The following ARID1B variants were observed in gnomAD, a reference collection of about 807,000 sequenced individuals.
The protein encoded by ARID1B is AT-rich interactive domain-containing protein 1B.
Under a neutral mutation model 212.3 loss-of-function variants are expected in ARID1B, and 30 were observed. That is an observed-to-expected ratio of 0.14 (90% CI 0.11 to 0.19). ARID1B has a LOEUF of 0.19. ARID1B is among the 10% of genes least tolerant of loss of function. The pLI is 1.00. For missense variants in ARID1B, 2,891 were observed against 3,204.0 expected (o/e 0.90, Z 2.36); for synonymous variants, 1,402 against 1,301.7 (o/e 1.08, Z -1.66).
At chr6:156,989,699 C>T (rs996735958) in intron 4 of ARID1B, among the ~76,000 whole-genome samples, 1 of 152,176 alleles carries the variant, frequency 6.6e-6, no homozygotes, top group African/African-American at 2.4e-5. Flanking sequence ...TGAGATTCCC[C>T]TTGACTTCAG....
At position 156,778,958 on chromosome 6, in the gene ARID1B, C is replaced by CGCG. The variant is rs764418312; in HGVS notation, c.1290_1292dup (p.Ala433dup). The CGCG allele has an allele frequency of 7.4e-4, 939 of 1,272,692 alleles. 1 individual carries two copies. The highest frequency in any genetic ancestry group is 4.0e-3 in the East Asian group (127 of 31,416). 78.8% of individuals were successfully genotyped at this position (1,272,692 alleles called of 1,614,324 possible). A position where few individuals can be genotyped will look rare whatever the true frequency, so the allele number is the denominator to read the frequency against. On this transcript the variant is annotated inframe_insertion, in exon 1 of 20. Transcript: ENST00000636930. ...GAGCGGGAGCTGTGGCGGCGGCGGC[C>CGCG]GCGGCGGCGGCGGCAGCAGCAGGAG... is the stretch of plus-strand genomic sequence containing the variant.
intron 1 of ARID1B, among the ~76,000 whole-genome samples, chr6:156,820,833 T>C (rs1280482272): frequency 6.6e-6 from 1 of 152,224 alleles, no homozygotes; most frequent in Non-Finnish European, 1.5e-5. Context: ...AAATATGGTA[T>C]TGTACTTGCA....
intron 3 of ARID1B, among the ~76,000 whole-genome samples, chr6:156,912,756 T>C (rs1789998428): frequency 6.6e-6 from 1 of 152,232 alleles, no homozygotes; most frequent in African/African-American, 2.4e-5. Flanking sequence ...TCCTTGTTCC[T>C]CTGGAAGGCT....
intron 1 of ARID1B, among the ~76,000 whole-genome samples, chr6:156,820,990 T>A (rs1007665314): frequency 4.6e-5 from 7 of 152,220 alleles, no homozygotes; most frequent in African/African-American, 1.7e-4. Context: ...CTGTCTCCCC[T>A]CGCACCTCTT....
At chr6:156,785,975 A>C (rs1779605135) in intron 1 of ARID1B, among the ~76,000 whole-genome samples, 1 of 152,168 alleles carries the variant, frequency 6.6e-6, no homozygotes. Context: ...TATGTTATTA[A>C]AATTTTGAAA....
intron 4 of ARID1B, among the ~76,000 whole-genome samples, chr6:157,047,761 T>C (rs1431261733): frequency 6.6e-6 from 1 of 152,234 alleles, no homozygotes; most frequent in Non-Finnish European, 1.5e-5. Flanking sequence ...CATGTATCTC[T>C]GGGGACATTA....
chr6:156,888,863 T>C (rs181613169), intron 2 of ARID1B, among the ~76,000 whole-genome samples: 6 of 152,350 alleles, frequency 3.9e-5, no homozygotes, highest in East Asian at 1.9e-4. Flanking sequence ...TCCATAGTTA[T>C]GAGTCTCGCA....
chr6:156,979,319 T>G lies in ARID1B; in HGVS notation c.2247+43743T>G, dbSNP rs149043927. Among the ~76,000 whole-genome samples the G allele has an allele frequency of 5.3e-5, 8 of 152,352 alleles. No individual in the cohort carries two copies. In the East Asian group the frequency reaches 1.5e-3, roughly 29 times the overall value. On this transcript the variant is annotated intron_variant, in intron 4 of 19. Coordinates refer to ENST00000636930, the MANE Select transcript of ARID1B (RefSeq NM_001374828.1). ...CAGGTTCCAGTGAATCTTGTTTTCCTTATTCAGAATATGGTGTTAGGTGAA... is the reference window on the plus strand; with the variant it reads ...CAGGTTCCAGTGAATCTTGTTTTCCGTATTCAGAATATGGTGTTAGGTGAA...
intron 8 of ARID1B, among the ~76,000 whole-genome samples, chr6:157,156,287 A>G (rs895523469): frequency 6.6e-6 from 1 of 152,246 alleles, no homozygotes; most frequent in Non-Finnish European, 1.5e-5. Flanking sequence ...AAAGATTTCA[A>G]AGCCTTAAAC....
chr6:156,924,757 G>A lies in ARID1B; in HGVS notation c.2137-10709G>A, dbSNP rs116123082. Among the ~76,000 whole-genome samples the A allele has an allele frequency of 6.3e-3, 955 of 152,172 alleles. 14 individuals are homozygous for A. Among genetic ancestry groups the A allele is most frequent in the African/African-American group, 0.022 (906 of 41,518 alleles). ...GAATTATTTAGGTAATAAGTTATAG[G>A]GAGCTGAGATTCTTGGATGTTGTAT... On this transcript the variant is annotated intron_variant, in intron 3 of 19. Coordinates refer to ENST00000636930, the MANE Select transcript of ARID1B (RefSeq NM_001374828.1).
intron 1 of ARID1B, 77 bp downstream of exon 1, chr6:156,779,548 G>T (rs1308482733): frequency 2.5e-6 from 3 of 1,191,294 alleles, no homozygotes; most frequent in Non-Finnish European, 2.1e-6. Context: ...TTTCTTTGCC[G>T]CGTACTTTTC....
intron 4 of ARID1B, among the ~76,000 whole-genome samples, chr6:157,014,998 G>T (rs1779831772): frequency 6.6e-6 from 1 of 152,138 alleles, no homozygotes; most frequent in African/African-American, 2.4e-5. Flanking sequence ...TTGAAGAGCA[G>T]CTGGCTAATC....
At chr6:156,793,944 A>T (rs1696155346) in intron 1 of ARID1B, among the ~76,000 whole-genome samples, 1 of 152,248 alleles carries the variant, frequency 6.6e-6, no homozygotes, top group Non-Finnish European at 1.5e-5. Flanking sequence ...AAGCATCATC[A>T]TTATCTCTAT....
intron 2 of ARID1B, among the ~76,000 whole-genome samples, chr6:156,886,833 T>C (rs946487494): frequency 1.3e-5 from 2 of 152,216 alleles, no homozygotes; most frequent in African/African-American, 4.8e-5. Flanking sequence ...AGCTCATTGA[T>C]CCAGCAATAT....
At chr6:156,956,459 T>C (rs764299275) in intron 4 of ARID1B, among the ~76,000 whole-genome samples, 8 of 152,068 alleles carry the variant, frequency 5.3e-5, no homozygotes, top group Non-Finnish European at 1.0e-4. Flanking sequence ...AGATAGGAAA[T>C]AGTCCTCTGG....
At chr6:157,173,636 C>T (rs540536122) in intron 9 of ARID1B, 2 of 162,408 alleles carry the variant, frequency 1.2e-5, no homozygotes, top group Non-Finnish European at 2.7e-5. Context: ...GTAGAAAATA[C>T]GCACACCCAG....
At chr6:157,103,834 T>A (rs992699201) in intron 5 of ARID1B, among the ~76,000 whole-genome samples, 1 of 93,888 alleles carries the variant, frequency 1.1e-5, no homozygotes, top group African/African-American at 3.7e-5. Flanking sequence ...TTAACAACTT[T>A]TTTTTTTTTT....
intron 1 of ARID1B, among the ~76,000 whole-genome samples, chr6:156,804,867 C>CAAAAAAAAAAAAAAAAAAA (rs61315445): frequency 1.2e-5 from 1 of 85,084 alleles, no homozygotes. Flanking sequence ...ATCTGATTGG[C>CAAAAAAAAAAAAAAAAAAA]AAAAAAAAAA....
intron 2 of ARID1B, among the ~76,000 whole-genome samples, chr6:156,884,287 C>A (rs918903590): frequency 6.6e-6 from 1 of 151,924 alleles, no homozygotes; most frequent in African/African-American, 2.4e-5. Flanking sequence ...CCTTTGATTC[C>A]CCTCTCCCTT....
Sources: gnomAD v4.1 joint callset for allele counts (sites outside exome capture counted in the v4.1 genomes callset) on GRCh38, gnomAD v4.1.1 for gene constraint, MANE v1.5 for transcripts, NCBI Gene and HGNC (gene_info 2026-07-23, HGNC 2026-07-21) for gene names.